Variants in MOCOS observed in about 807,000 individuals in gnomAD.
The protein encoded by MOCOS is human molybdenum cofactor sulfurase.
MOCOS carries 86 observed loss-of-function variants against 83.6 expected under a neutral mutation model. That is an observed-to-expected ratio of 1.03 (90% confidence interval 0.86 to 1.23). MOCOS has a LOEUF of 1.23. Among genes scored for constraint, MOCOS ranks in the 50% most tolerant of loss-of-function variants. MOCOS has a pLI of 0.00. For synonymous variants in MOCOS, 445 were observed against 434.7 expected (o/e 1.02, Z -0.29); for missense variants, 1,120 against 1,126.9 (o/e 0.99, Z 0.09).
At chr18:36,259,185 G>T (rs546963710) in intron 12 of MOCOS, among the ~76,000 whole-genome samples, 4 of 152,128 alleles carry the variant, frequency 2.6e-5, no homozygotes, top group Non-Finnish European at 4.4e-5. Flanking sequence ...GCTCACACCT[G>T]TAATCCCAGC....
At chr18:36,221,700 G>T (rs1192858544) in intron 9 of MOCOS, among the ~76,000 whole-genome samples, 2 of 148,472 alleles carry the variant, frequency 1.3e-5, no homozygotes, top group Admixed American at 6.8e-5. Flanking sequence ...TATTACTAGA[G>T]TTATAGAATA....
chr18:36,198,849 G>C (rs2091400781), intron 3 of MOCOS, 93 bp downstream of exon 3: 2 of 1,342,428 alleles, frequency 1.5e-6, no homozygotes, highest in East Asian at 4.7e-5. Flanking sequence ...GTTCTGAGTT[G>C]GTTTCAGGAG....
chr18:36,240,949 C>T (rs555023458), intron 9 of MOCOS, among the ~76,000 whole-genome samples: 3 of 152,344 alleles, frequency 2.0e-5, no homozygotes, highest in Admixed American at 6.5e-5. Flanking sequence ...CTCCCTGACC[C>T]CTTGTGCTTC....
intron 9 of MOCOS, among the ~76,000 whole-genome samples, chr18:36,221,851 G>A (rs1415504764): frequency 2.6e-5 from 4 of 151,418 alleles, no homozygotes; most frequent in Non-Finnish European, 5.9e-5. Flanking sequence ...TCAGCCTCCC[G>A]AGTAGCTGGG....
chr18:36,259,927 C>A (rs1047366836), intron 12 of MOCOS, 110 bp from the exon 13 acceptor site: 11 of 1,441,518 alleles, frequency 7.6e-6, no homozygotes, highest in Admixed American at 1.7e-5. Flanking sequence ...GCACAGGCCA[C>A]AGTAGAGCTG....
chr18:36,222,239 A>G (rs776585755), intron 9 of MOCOS, among the ~76,000 whole-genome samples: 5 of 152,136 alleles, frequency 3.3e-5, no homozygotes, highest in African/African-American at 4.8e-5. Flanking sequence ...ATTATTTTGG[A>G]TAAGTACCCA....
intron 7 of MOCOS, among the ~76,000 whole-genome samples, chr18:36,213,943 GA>G (rs1193365991): frequency 6.0e-4 from 81 of 136,120 alleles, no homozygotes; most frequent in Middle Eastern, 3.8e-3. Context: ...TCCAACCAAA[GA>G]AAAAAAAAAA....
chr18:36,213,563 G>A (rs879071504), intron 7 of MOCOS, 81 bp downstream of exon 7: 2 of 1,114,566 alleles, frequency 1.8e-6, no homozygotes, highest in Admixed American at 3.4e-5. Flanking sequence ...CTGGGGTGGG[G>A]GCTGCTGCTG....
intron 9 of MOCOS, among the ~76,000 whole-genome samples, chr18:36,228,002 A>T (rs1216268506): frequency 6.6e-6 from 1 of 152,176 alleles, no homozygotes; most frequent in Non-Finnish European, 1.5e-5. Context: ...AAACAACCCC[A>T]TAAAAAGTAG....
intron 10 of MOCOS, 55 bp downstream of exon 10, chr18:36,249,055 G>T (rs1472845861): frequency 2.9e-5 from 43 of 1,460,910 alleles, no homozygotes; most frequent in Middle Eastern, 3.5e-4. Flanking sequence ...TGGCACAGAG[G>T]GGGAAGAGGG....
intron 1 of MOCOS, chr18:36,190,360 G>C (rs1416827896): frequency 1.3e-5 from 2 of 152,150 alleles, no homozygotes; most frequent in African/African-American, 4.8e-5. Context: ...CCAGTGTTGG[G>C]GGAGGGACCT....
At chr18:36,251,402 AT>A in intron 11 of MOCOS, 119 bp downstream of exon 11, 1 of 1,374,326 alleles carries the variant, frequency 7.3e-7, no homozygotes, top group South Asian at 1.2e-5. Flanking sequence ...AGCAGGGGTC[AT>A]CAGCCTTTAG....
Position 36,199,746 on chromosome 18 carries a change from G to T in MOCOS, c.363G>T (p.Thr121=). ...CTGTGATCTTCACTGCCGGGAGCAC[G>T]GCTGCTCTCAAACTGGTGGCAGAGG... ...DYTVIFTAGS[T]AALKLVAEAF... Residue 121 remains threonine (T), a synonymous_variant, in exon 4 of 15, where the codon ACG becomes ACT. Transcript: ENST00000261326. The T allele has an allele frequency of 1.9e-6, 3 of 1,614,128 alleles. No individual in the cohort carries two copies. Among genetic ancestry groups the T allele is most frequent in the South Asian group, 1.1e-5 (1 of 91,080 alleles).
At chr18:36,206,328 C>A (rs151237665) in intron 6 of MOCOS, among the ~76,000 whole-genome samples, 295 of 139,220 alleles carry the variant, frequency 2.1e-3, no homozygotes, top group African/African-American at 7.5e-3. Context: ...CTCACTGCAA[C>A]CTCCACCTCT....
Position 36,210,630 on chromosome 18 carries a change from C to T in MOCOS, c.1219-2736C>T, listed in dbSNP as rs139151667. On this transcript the variant is annotated intron_variant, in intron 6 of 14. Transcript: ENST00000261326. ...CTTTGGGAGGCCGAGGTTGGTGGAC[C>T]ACCTGAGGTCAGGAGTTGGAGACTA... Among the ~76,000 whole-genome samples, 338 of 151,906 alleles carry T rather than the reference C, an allele frequency of 2.2e-3. 5 individuals are homozygous for T. The highest frequency in any genetic ancestry group is 7.1e-3 in the African/African-American group (293 of 41,436).
rs767328099 is a variant in MOCOS, at chr18:36,268,512, T to A, written c.2515-21T>A. The A allele has an allele frequency of 2.5e-6, 4 of 1,614,106 alleles. No individual in the cohort carries two copies. In the South Asian group the frequency reaches 4.4e-5, roughly 18 times the overall value. ...TAAAATAATCTAGCCTTTTTTGTTG[T>A]TGTTGCTGTTTTGTTCACAGGTGAA... On this transcript the variant is annotated intron_variant, in intron 14 of 14. Transcript: ENST00000261326.
chr18:36,234,990 G>T (rs755412761), intron 9 of MOCOS, among the ~76,000 whole-genome samples: 4 of 151,988 alleles, frequency 2.6e-5, no homozygotes, highest in Non-Finnish European at 5.9e-5. Context: ...GATATCTAGG[G>T]ATCACAACTT....
chr18:36,198,763 A>T lies in MOCOS; in HGVS notation c.299+7A>T. On this transcript the variant is annotated splice_region_variant and intron_variant, in intron 3 of 14. Transcript: ENST00000261326. Reference sequence around the variant, plus strand: ...TGGAGCAGGTGCGCTACAGGTAAGCATCAGGGACACCTGCCTGACTGGGCA... The same window carrying T: ...TGGAGCAGGTGCGCTACAGGTAAGCTTCAGGGACACCTGCCTGACTGGGCA... The T allele has an allele frequency of 6.2e-7, 1 of 1,613,914 alleles. No homozygotes were observed. Among genetic ancestry groups the T allele is most frequent in the Non-Finnish European group, 8.5e-7 (1 of 1,179,780 alleles).
At chr18:36,195,952 G>C (rs2091385739) in intron 2 of MOCOS, among the ~76,000 whole-genome samples, 1 of 152,030 alleles carries the variant, frequency 6.6e-6, no homozygotes. Context: ...GAGTGGAGTG[G>C]ATGCTGGAGG....
Sources: allele counts gnomAD v4.1 joint callset (sites outside exome capture counted in the v4.1 genomes callset), GRCh38; gene constraint gnomAD v4.1.1; transcripts MANE v1.5; gene names NCBI Gene and HGNC (gene_info 2026-07-23, HGNC 2026-07-21).